Variants in CELF2 observed in about 807,000 individuals in gnomAD.
CELF2 encodes CUGBP Elav-like family member 2.
CELF2 carries 8 observed loss-of-function variants against 62.6 expected under a neutral mutation model. That is an observed-to-expected ratio of 0.13 (90% CI 0.07 to 0.23). The LOEUF is 0.23. Ranked by LOEUF, CELF2 falls within the 10% of genes least tolerant of loss-of-function variation. The pLI is 1.00. For synonymous variants in CELF2, 258 were observed against 250.0 expected (o/e 1.03, Z -0.30); for missense variants, 333 against 671.0 (o/e 0.50, Z 5.56).
At chr10:10,915,131 T>TA (rs11358531) in intron 1 of CELF2, among the ~76,000 whole-genome samples, 16 of 135,906 alleles carry the variant, frequency 1.2e-4, no homozygotes, top group South Asian at 2.4e-4. Flanking sequence ...AACTTTATTT[T>TA]AAAAAAAAAA....
chr10:10,579,331 G>A, the CELF2 span, among the ~76,000 whole-genome samples: 1 of 152,166 alleles, frequency 6.6e-6, no homozygotes, highest in Non-Finnish European at 1.5e-5. Context: ...GCATCTTACT[G>A]TCTTTAGATG....
chr10:11,154,886 A>G (rs2064012776), intron 1 of CELF2, among the ~76,000 whole-genome samples: 1 of 152,232 alleles, frequency 6.6e-6, no homozygotes, highest in Non-Finnish European at 1.5e-5. Flanking sequence ...TGACAAAAAC[A>G]ATCACAGGTA....
chr10:10,558,995 A>G, the CELF2 span, among the ~76,000 whole-genome samples: 1 of 152,188 alleles, frequency 6.6e-6, no homozygotes, highest in East Asian at 1.9e-4. Flanking sequence ...TAATTTTTAT[A>G]TTAATATTGA....
At chr10:10,843,730 AC>A (rs1231357812) in intron 1 of CELF2, among the ~76,000 whole-genome samples, 1 of 152,072 alleles carries the variant, frequency 6.6e-6, no homozygotes, top group East Asian at 1.9e-4. Flanking sequence ...TTTTATGCCT[AC>A]ATGATCTACT....
At chr10:10,835,390 T>C (rs990883918) in intron 1 of CELF2, among the ~76,000 whole-genome samples, 2 of 151,888 alleles carry the variant, frequency 1.3e-5, no homozygotes, top group African/African-American at 4.8e-5. Flanking sequence ...TTGATTTTTT[T>C]TTTTTTTTCT....
chr10:10,536,306 C>T, the CELF2 span, among the ~76,000 whole-genome samples: 1 of 152,194 alleles, frequency 6.6e-6, no homozygotes, highest in Non-Finnish European at 1.5e-5. Flanking sequence ...GCATGAGCCA[C>T]CATGCCCAGA....
At chr10:11,028,840 C>A (rs549303704) in intron 1 of CELF2, among the ~76,000 whole-genome samples, 1 of 151,432 alleles carries the variant, frequency 6.6e-6, no homozygotes, top group East Asian at 1.9e-4. Context: ...CTGCCTCAGT[C>A]TTCTGAGTAG....
Position 11,237,569 on chromosome 10 carries a change from G to T in CELF2, c.355-11584G>T. On this transcript the variant is annotated intron_variant, in intron 3 of 12. Transcript: ENST00000633077. This position sits in a 1 kb window ranked among gnomAD's most constrained non-coding sequence, Gnocchi z 4.0. ...CCAGCACATGTACCAGGTCGTCAAG[G>T]GGAGCCCAGGTGCAAGGGCTGCTTC... Among the ~76,000 whole-genome samples the T allele has an allele frequency of 6.6e-6, 1 of 152,342 alleles. No individual in the cohort carries two copies. Among genetic ancestry groups the T allele is most frequent in the East Asian group, 1.9e-4 (1 of 5,188 alleles).
chr10:10,558,677 G>T, the CELF2 span, among the ~76,000 whole-genome samples: 16 of 152,126 alleles, frequency 1.1e-4, no homozygotes, highest in African/African-American at 3.6e-4. Context: ...GACTCTTTTT[G>T]CTTGGTAAAC....
intron 7 of CELF2, among the ~76,000 whole-genome samples, chr10:11,273,527 G>C (rs766137288): frequency 1.7e-4 from 26 of 152,116 alleles, no homozygotes; most frequent in Non-Finnish European, 3.1e-4. Context: ...GTGCCAAAAA[G>C]GTTGGGGACT....
chr10:10,733,659 T>C, the CELF2 span, among the ~76,000 whole-genome samples: 2 of 152,280 alleles, frequency 1.3e-5, no homozygotes, highest in African/African-American at 2.4e-5. Context: ...CTGTCTTGCA[T>C]GGTGGCAGAC....
intron 1 of CELF2, among the ~76,000 whole-genome samples, chr10:11,006,957 A>G (rs921008666): frequency 6.6e-6 from 1 of 152,258 alleles, no homozygotes; most frequent in South Asian, 2.1e-4. Context: ...AAACTTCTCA[A>G]ATAATGAAAC....
chr10:11,018,257 G>A (rs71491559), intron 1 of CELF2, 94 bp downstream of exon 1: 45,335 of 1,073,890 alleles, frequency 0.042, 1,297 homozygotes, highest in African/African-American at 0.12. Flanking sequence ...CAGCTCCCGG[G>A]CGCGACTCGG....
chr10:11,138,170 A>G (rs17149622), intron 1 of CELF2, among the ~76,000 whole-genome samples: 5 of 152,188 alleles, frequency 3.3e-5, no homozygotes, highest in Admixed American at 3.3e-4. Context: ...GAATATAGCA[A>G]TTTCCATAAG....
chr10:10,694,575 T>C, the CELF2 span, among the ~76,000 whole-genome samples: 4 of 152,062 alleles, frequency 2.6e-5, no homozygotes, highest in African/African-American at 7.3e-5. Flanking sequence ...CTTGCTGACT[T>C]TCTGTCTCGT....
At chr10:10,905,621 G>C (rs111358573) in intron 1 of CELF2, among the ~76,000 whole-genome samples, 18,707 of 151,366 alleles carry the variant, frequency 0.12, 1,419 homozygotes, top group Middle Eastern at 0.19. Context: ...GCTCACGCCT[G>C]TAATCCCAGC....
intron 2 of CELF2, among the ~76,000 whole-genome samples, chr10:11,216,776 T>A (rs2063471351): frequency 1.3e-5 from 2 of 152,232 alleles, no homozygotes; most frequent in African/African-American, 4.8e-5. Context: ...CAGCCATATA[T>A]GTAATGCATG....
At chr10:10,605,212 G>T in the CELF2 span, among the ~76,000 whole-genome samples, 1 of 151,982 alleles carries the variant, frequency 6.6e-6, no homozygotes, top group Non-Finnish European at 1.5e-5. Context: ...ATAAGTGGGA[G>T]CTGAACAATG....
the CELF2 span, among the ~76,000 whole-genome samples, chr10:10,769,839 G>T: frequency 6.6e-6 from 1 of 152,060 alleles, no homozygotes; most frequent in Non-Finnish European, 1.5e-5. Flanking sequence ...ATTTTAAGCA[G>T]AAAGGATCAC....
Sources: allele counts gnomAD v4.1 joint callset (sites outside exome capture counted in the v4.1 genomes callset), GRCh38; gene constraint gnomAD v4.1.1; non-coding constraint Gnocchi (gnomAD v3.1); transcripts MANE v1.5; gene names NCBI Gene and HGNC (gene_info 2026-07-23, HGNC 2026-07-21).